PACRG: variants seen among roughly 807,000 people sequenced by gnomAD.
PACRG encodes parkin coregulated.
PACRG carries 29 observed loss-of-function variants against 29.7 expected under a neutral mutation model. The observed-to-expected ratio is 0.98, with a 90% CI of 0.73 to 1.33. The LOEUF (loss-of-function observed/expected upper bound fraction) is 1.33, where lower values mean the gene tolerates loss of function less well. Ranked by LOEUF, PACRG falls within the 40% of genes most tolerant of loss-of-function variation. The probability of loss-of-function intolerance (pLI) is 0.00; values close to 1 mark genes in which losing one functional copy is unlikely to be tolerated. For missense variants in PACRG, 279 were observed against 316.2 expected (o/e 0.88, Z 0.89); for synonymous variants, 116 against 118.7 (o/e 0.98, Z 0.15).
chr6:163,155,490 G>A (rs376947393), intron 4 of PACRG, among the ~76,000 whole-genome samples: 74 of 152,248 alleles, frequency 4.9e-4, no homozygotes, highest in East Asian at 7.7e-4. Flanking sequence ...TTCTGAGAGC[G>A]AGAGGCCCTA....
intron 4 of PACRG, among the ~76,000 whole-genome samples, chr6:163,306,644 C>T (rs1055835034): frequency 6.6e-6 from 1 of 152,164 alleles, no homozygotes; most frequent in African/African-American, 2.4e-5. Context: ...GCACAGTGCT[C>T]TCTTAACTAG....
At chr6:162,830,531 C>T (rs1195367128) in intron 2 of PACRG, among the ~76,000 whole-genome samples, 1 of 152,260 alleles carries the variant, frequency 6.6e-6, no homozygotes, top group Non-Finnish European at 1.5e-5. Context: ...CCCCCTCTCC[C>T]CAGGGACACA....
intron 4 of PACRG, among the ~76,000 whole-genome samples, chr6:163,221,714 G>C (rs1405298001): frequency 6.6e-6 from 1 of 152,216 alleles, no homozygotes; most frequent in Non-Finnish European, 1.5e-5. Context: ...GTGCTGAACT[G>C]TACTGAACTG....
At chr6:162,886,476 G>GACTTCATACAA (rs1794343508) in intron 2 of PACRG, among the ~76,000 whole-genome samples, 2 of 152,162 alleles carry the variant, frequency 1.3e-5, no homozygotes, top group East Asian at 3.9e-4. Context: ...ACAATCACAT[G>GACTTCATACAA]GCACGCGTCT....
intron 2 of PACRG, among the ~76,000 whole-genome samples, chr6:163,007,706 T>C (rs1321232362): frequency 1.3e-5 from 2 of 152,152 alleles, no homozygotes; most frequent in Non-Finnish European, 2.9e-5. Context: ...AACTATTTTA[T>C]CTCTTTTACC....
intron 4 of PACRG, among the ~76,000 whole-genome samples, chr6:163,277,471 G>A (rs537593742): frequency 1.1e-3 from 90 of 80,144 alleles, no homozygotes; most frequent in African/African-American, 4.8e-3. Context: ...CTCATGGTGT[G>A]TGTGTATGTG....
chr6:163,131,201 G>A lies in PACRG; in HGVS notation c.613+41793G>A, dbSNP rs532029235. On this transcript the variant is annotated intron_variant, in intron 4 of 4. Coordinates refer to ENST00000366888, the MANE Select transcript of PACRG (RefSeq NM_001080379.2). Reference sequence around the variant, plus strand: ...CGGGCGCCTGTAGTCCCAGCTACTCGGGAGGCTGAGGCGGGAGGATGGCGT... The same window carrying A: ...CGGGCGCCTGTAGTCCCAGCTACTCAGGAGGCTGAGGCGGGAGGATGGCGT... Among the ~76,000 whole-genome samples the A allele has an allele frequency of 5.3e-5, 8 of 151,898 alleles. No individual in the cohort carries two copies. The East Asian group carries it at 7.8e-4, about 15-fold the overall frequency.
At chr6:162,985,171 T>C (rs1440662413) in intron 2 of PACRG, among the ~76,000 whole-genome samples, 2 of 151,966 alleles carry the variant, frequency 1.3e-5, no homozygotes, top group East Asian at 3.9e-4. Flanking sequence ...TTCCAAAAGA[T>C]AGAGAAGAGG....
chr6:163,270,421 A>C (rs1783781698), intron 4 of PACRG, among the ~76,000 whole-genome samples: 1 of 152,158 alleles, frequency 6.6e-6, no homozygotes, highest in Non-Finnish European at 1.5e-5. Context: ...GCCAAGCTGG[A>C]GTGCAGTGGC....
chr6:162,897,117 C>T (rs1795229353), intron 2 of PACRG, among the ~76,000 whole-genome samples: 1 of 152,132 alleles, frequency 6.6e-6, no homozygotes, highest in African/African-American at 2.4e-5. Flanking sequence ...AAGATTAGTT[C>T]CTGGGCAACA....
chr6:162,810,736 A>T (rs1315978164), intron 1 of PACRG, among the ~76,000 whole-genome samples: 1 of 152,198 alleles, frequency 6.6e-6, no homozygotes, highest in Non-Finnish European at 1.5e-5. Context: ...AGTAGAAGTT[A>T]CCCAATATGA....
chr6:163,008,463 GA>G (rs1805327494), intron 2 of PACRG, among the ~76,000 whole-genome samples: 1 of 151,894 alleles, frequency 6.6e-6, no homozygotes, highest in Non-Finnish European at 1.5e-5. Flanking sequence ...CTCACAGAGT[GA>G]AAAGAGGGTC....
intron 4 of PACRG, among the ~76,000 whole-genome samples, chr6:163,230,245 C>T (rs933962500): frequency 6.6e-6 from 1 of 152,200 alleles, no homozygotes; most frequent in Non-Finnish European, 1.5e-5. Flanking sequence ...AATTTTTAAT[C>T]TCTTCATTGT....
chr6:162,887,683 T>A (rs1794449781), intron 2 of PACRG, among the ~76,000 whole-genome samples: 1 of 152,148 alleles, frequency 6.6e-6, no homozygotes, highest in African/African-American at 2.4e-5. Context: ...TGAACTTGAA[T>A]CTTGAGATAA....
intron 4 of PACRG, among the ~76,000 whole-genome samples, chr6:163,309,381 C>T (rs139786936): frequency 1.3e-3 from 198 of 152,306 alleles, no homozygotes; most frequent in Non-Finnish European, 2.0e-3. Context: ...ATGCTCTCTG[C>T]GGCTAAGGTG....
At chr6:162,946,493 A>T (rs1189891692) in intron 2 of PACRG, among the ~76,000 whole-genome samples, 2 of 151,900 alleles carry the variant, frequency 1.3e-5, no homozygotes, top group East Asian at 1.9e-4. Context: ...TTGAAACAGT[A>T]AAAAAAAGTC....
At chr6:163,000,119 G>A (rs188157455) in intron 2 of PACRG, among the ~76,000 whole-genome samples, 15 of 152,240 alleles carry the variant, frequency 9.9e-5, no homozygotes, top group Admixed American at 2.6e-4. Context: ...TTACACATCC[G>A]AGGTAGCAGT....
chr6:162,884,904 C>A (rs906755520), intron 2 of PACRG, among the ~76,000 whole-genome samples: 10 of 152,136 alleles, frequency 6.6e-5, no homozygotes, highest in Non-Finnish European at 1.0e-4. Flanking sequence ...ATAATATGAA[C>A]CCAGCCCGTG....
rs140024059 is a variant in PACRG, at chr6:163,224,997, G to A, written c.614-89830G>A. 5.2e-3 allele frequency among the ~76,000 whole-genome samples: 793 copies of A among 152,240 alleles called. 6 individuals carry two copies. The highest frequency in any genetic ancestry group is 0.018 in the African/African-American group (760 of 41,548). ...TATAAGGAACTCAAACAATTTGATAGCAAGAAAACAAATAACCCAATTTAA... is the reference window on the plus strand; with the variant it reads ...TATAAGGAACTCAAACAATTTGATAACAAGAAAACAAATAACCCAATTTAA... On this transcript the variant is annotated intron_variant, in intron 4 of 4. Coordinates refer to ENST00000366888, the MANE Select transcript of PACRG (RefSeq NM_001080379.2).
Sources: allele counts gnomAD v4.1 joint callset (sites outside exome capture counted in the v4.1 genomes callset), GRCh38; gene constraint gnomAD v4.1.1; transcripts MANE v1.5; gene names NCBI Gene and HGNC (gene_info 2026-07-23, HGNC 2026-07-21).